UST: variants seen among roughly 807,000 people sequenced by gnomAD.
UST encodes the protein chondroitin sulfate 2-O-sulfotransferase.
A neutral mutation model predicts 45.6 loss-of-function variants in UST; 21 were observed. That is an observed-to-expected ratio of 0.46 (90% CI 0.33 to 0.66). The LOEUF (loss-of-function observed/expected upper bound fraction) is 0.66, where lower values mean the gene tolerates loss of function less well. Ranked by LOEUF, UST falls within the 30% of genes least tolerant of loss-of-function variation. The pLI is 0.02. For synonymous variants in UST, 215 were observed against 200.6 expected (o/e 1.07, Z -0.61); for missense variants, 463 against 512.4 (o/e 0.90, Z 0.93).
intron 1 of UST, among the ~76,000 whole-genome samples, chr6:148,764,156 A>G (rs913436283): frequency 1.3e-5 from 2 of 152,042 alleles, no homozygotes; most frequent in Non-Finnish European, 2.9e-5. Context: ...TGTTTGTGTC[A>G]TCTACAGTTT....
chr6:148,781,006 C>A (rs1396331799), intron 1 of UST, among the ~76,000 whole-genome samples: 3 of 152,070 alleles, frequency 2.0e-5, no homozygotes, highest in African/African-American at 7.2e-5. Flanking sequence ...CTCCCTATTC[C>A]CTGAGACACA....
At chr6:149,002,010 CTCA>C (rs1043153198) in intron 5 of UST, among the ~76,000 whole-genome samples, 1 of 152,078 alleles carries the variant, frequency 6.6e-6, no homozygotes, top group Non-Finnish European at 1.5e-5. Context: ...ACTTATCTTT[CTCA>C]TCATCTATTT....
intron 2 of UST, among the ~76,000 whole-genome samples, chr6:148,893,668 C>T (rs1317572913): frequency 6.6e-6 from 1 of 152,170 alleles, no homozygotes; most frequent in Non-Finnish European, 1.5e-5. Flanking sequence ...ACAGTCTATG[C>T]CCTCCGGGAG....
intron 6 of UST, 57 bp from the exon 7 acceptor site, chr6:149,021,267 C>A (rs990779630): frequency 6.5e-7 from 1 of 1,530,416 alleles, no homozygotes; most frequent in Non-Finnish European, 8.8e-7. Context: ...CTCTCAGCAT[C>A]TTGCTGCATT....
chr6:148,990,479 A>G (rs941104261), intron 5 of UST: 1 of 778,266 alleles, frequency 1.3e-6, no homozygotes, highest in Non-Finnish European at 1.6e-6. Context: ...TTAACGTGAC[A>G]CCAGTGTGTT....
At position 148,931,632 on chromosome 6, in the gene UST, T is replaced by A. The variant is rs190934902; in HGVS notation, c.292-9647T>A. Among the ~76,000 whole-genome samples the A allele has an allele frequency of 8.0e-3, 1,220 of 152,328 alleles. 9 individuals carry two copies. Among genetic ancestry groups the A allele is most frequent in the Non-Finnish European group, 0.011 (768 of 68,020 alleles). On this transcript the variant is annotated intron_variant, in intron 2 of 7. Coordinates refer to ENST00000367463, the MANE Select transcript of UST (RefSeq NM_005715.3). ...AAGGACTTTTGGACGACTGAATACA[T>A]AGCATGTAAGAAAGTGTTAGAAATG...
chr6:148,864,669 G>A (rs72986603), intron 1 of UST, among the ~76,000 whole-genome samples: 2,040 of 152,268 alleles, frequency 0.013, 30 homozygotes, highest in Admixed American at 0.025. Flanking sequence ...TCAAGTTGAC[G>A]CTCAATATTA....
chr6:149,025,670 T>A (rs1051889825), intron 7 of UST, among the ~76,000 whole-genome samples: 1 of 152,218 alleles, frequency 6.6e-6, no homozygotes, highest in Non-Finnish European at 1.5e-5. Flanking sequence ...TTATTTTTTA[T>A]TGATTAATCC....
rs1776863651 is a variant in UST, at chr6:149,074,593, G to C, written c.*477G>C. On this transcript the variant is annotated 3_prime_UTR_variant, in exon 8 of 8. Coordinates refer to ENST00000367463, the MANE Select transcript of UST (RefSeq NM_005715.3). Reference sequence around the variant, plus strand: ...AGACAGATTAGGACATCGAAAAGGAGGATGGAGCCAGGTGCCATGGCTTGA... The same window carrying C: ...AGACAGATTAGGACATCGAAAAGGACGATGGAGCCAGGTGCCATGGCTTGA... 6.2e-6 allele frequency: 1 copy of C among 161,610 alleles called. No homozygotes were observed. The highest frequency in any genetic ancestry group is 1.4e-5 in the Non-Finnish European group (1 of 73,448). The allele number at this position is 161,610 out of a possible 1,614,324, so 10.0% of individuals were successfully genotyped here. A position where few individuals can be genotyped will look rare whatever the true frequency, so the allele number is the denominator to read the frequency against.
At chr6:148,851,502 A>G (rs544310865) in intron 1 of UST, among the ~76,000 whole-genome samples, 1 of 152,346 alleles carries the variant, frequency 6.6e-6, no homozygotes, top group East Asian at 1.9e-4. Flanking sequence ...ATACCTTTTC[A>G]TGCAAATCTC....
Position 148,872,014 on chromosome 6 carries a change from A to G in UST, c.248-14972A>G, listed in dbSNP as rs190598605. Among the ~76,000 whole-genome samples the G allele has an allele frequency of 6.5e-4, 99 of 152,174 alleles. 1 individual carries two copies. The highest frequency in any genetic ancestry group is 6.4e-3 in the Admixed American group (98 of 15,272). On this transcript the variant is annotated intron_variant, in intron 1 of 7. Coordinates refer to ENST00000367463, the MANE Select transcript of UST (RefSeq NM_005715.3). ...TTGAGGGGTGTGGTGTACTATATCT[A>G]TGGTTATTTTTCTGTTCTGAAATCG...
Position 148,980,521 on chromosome 6 carries a change from A to G in UST, c.681+15958A>G, listed in dbSNP as rs150695540. On this transcript the variant is annotated intron_variant, in intron 5 of 7. Coordinates refer to ENST00000367463, the MANE Select transcript of UST (RefSeq NM_005715.3). ...TTAAGAAGCTTGGTGACTTTTGCCCACTGTGGTGAATTCTACAGGCCTTTC... is the reference window on the plus strand; with the variant it reads ...TTAAGAAGCTTGGTGACTTTTGCCCGCTGTGGTGAATTCTACAGGCCTTTC... 2.6e-5 allele frequency among the ~76,000 whole-genome samples: 4 copies of G among 152,252 alleles called. No homozygotes were observed. In the East Asian group the frequency reaches 5.8e-4, roughly 22 times the overall value.
intron 1 of UST, among the ~76,000 whole-genome samples, chr6:148,817,052 G>C (rs1777368993): frequency 1.3e-5 from 2 of 152,214 alleles, no homozygotes; most frequent in Admixed American, 1.3e-4. Context: ...ATTGGGATTG[G>C]AGTCCAGAGA....
intron 1 of UST, among the ~76,000 whole-genome samples, chr6:148,757,228 A>G (rs1193672537): frequency 1.3e-5 from 2 of 152,266 alleles, no homozygotes; most frequent in Non-Finnish European, 2.9e-5. Context: ...ATTTGGAATT[A>G]CACTTTTAGA....
At chr6:148,989,325 G>C (rs561279122) in intron 5 of UST, among the ~76,000 whole-genome samples, 102 of 151,582 alleles carry the variant, frequency 6.7e-4, no homozygotes, top group African/African-American at 2.4e-3. Flanking sequence ...AAATTTCAGA[G>C]CCTTCCTTTT....
chr6:148,920,502 C>T (rs1366646838), intron 2 of UST, among the ~76,000 whole-genome samples: 1 of 152,246 alleles, frequency 6.6e-6, no homozygotes, highest in Non-Finnish European at 1.5e-5. Flanking sequence ...TCCAACCCTC[C>T]TGCCCACCCT....
intron 1 of UST, among the ~76,000 whole-genome samples, chr6:148,866,434 C>A (rs1778432333): frequency 6.6e-6 from 1 of 152,106 alleles, no homozygotes; most frequent in Non-Finnish European, 1.5e-5. Context: ...GTTGTCCCTT[C>A]CTGGGGAAAT....
intron 1 of UST, among the ~76,000 whole-genome samples, chr6:148,883,086 A>C (rs1477528726): frequency 6.6e-6 from 1 of 152,272 alleles, no homozygotes; most frequent in Non-Finnish European, 1.5e-5. Context: ...GAAAGAATTT[A>C]GTGTAGACAT....
intron 5 of UST, among the ~76,000 whole-genome samples, chr6:149,013,539 GAAA>G: frequency 6.6e-6 from 1 of 150,972 alleles, no homozygotes; most frequent in Non-Finnish European, 1.5e-5. Context: ...AAAAAAAAGA[GAAA>G]AAAAAAGTTG....
Sources: gnomAD v4.1 joint callset for allele counts (sites outside exome capture counted in the v4.1 genomes callset) on GRCh38, gnomAD v4.1.1 for gene constraint, MANE v1.5 for transcripts, NCBI Gene and HGNC (gene_info 2026-07-23, HGNC 2026-07-21) for gene names.